The following GRXCR1 variants were observed in gnomAD, a reference collection of about 807,000 sequenced individuals.
The protein encoded by GRXCR1 is glutaredoxin domain-containing cysteine-rich protein 1.
GRXCR1 carries 27 observed loss-of-function variants against 27.3 expected under a neutral mutation model. That is an observed-to-expected ratio of 0.99 (90% CI 0.73 to 1.37). The LOEUF is 1.37. GRXCR1 is among the 40% of genes most tolerant of loss of function. GRXCR1 has a pLI of 0.00. For missense variants in GRXCR1, 379 were observed against 354.4 expected, an observed-to-expected ratio of 1.07 and a Z score of -0.56; for synonymous variants, 122 against 131.1, an observed-to-expected ratio of 0.93 and a Z score of 0.47.
intron 2 of GRXCR1, among the ~76,000 whole-genome samples, chr4:42,989,440 T>C (rs1256584314): frequency 5.6e-4 from 86 of 152,320 alleles, no homozygotes; most frequent in Non-Finnish European, 7.3e-5. Context: ...ACATTGAGTG[T>C]TAGGGCTTAA....
At chr4:43,011,283 A>T (rs1712742002) in intron 2 of GRXCR1, among the ~76,000 whole-genome samples, 1 of 151,912 alleles carries the variant, frequency 6.6e-6, no homozygotes, top group African/African-American at 2.4e-5. Context: ...CATGAAGGAG[A>T]ACTTTATAGA....
chr4:43,025,002 T>C (rs911512932), intron 3 of GRXCR1, among the ~76,000 whole-genome samples: 2 of 152,132 alleles, frequency 1.3e-5, no homozygotes, highest in Non-Finnish European at 2.9e-5. Flanking sequence ...GATTTGATGA[T>C]CTGAGGTTAA....
At chr4:42,993,223 G>A (rs1283176718) in intron 2 of GRXCR1, among the ~76,000 whole-genome samples, 1 of 152,070 alleles carries the variant, frequency 6.6e-6, no homozygotes, top group African/African-American at 2.4e-5. Context: ...CCAGATGGGA[G>A]TTATTCACAT....
chr4:42,933,846 T>A (rs1418841554), intron 1 of GRXCR1, among the ~76,000 whole-genome samples: 1 of 151,780 alleles, frequency 6.6e-6, no homozygotes, highest in African/African-American at 2.4e-5. Context: ...TATTCTGTTA[T>A]AGCAGCCTGA....
At chr4:42,989,618 C>T (rs149563053) in intron 2 of GRXCR1, among the ~76,000 whole-genome samples, 1 of 152,294 alleles carries the variant, frequency 6.6e-6, no homozygotes, top group African/African-American at 2.4e-5. Context: ...TGTAGAACTT[C>T]ATTGTCTTTC....
At position 43,025,505 on chromosome 4, in the gene GRXCR1, A is replaced by C. The variant is rs549436235; in HGVS notation, c.694-4856A>C. Among the ~76,000 whole-genome samples, 12 of 152,328 alleles carry C rather than the reference A, an allele frequency of 7.9e-5. No individual in the cohort carries two copies. In the South Asian group the frequency reaches 8.3e-4, roughly 11 times the overall value. On this transcript the variant is annotated intron_variant, in intron 3 of 3. Transcript: ENST00000399770. ...GAGGTAAAGTGGAGGGTGATTTCTC[A>C]TTCTTTTTCTCTTGAGCTCCACTCC...
intron 1 of GRXCR1, among the ~76,000 whole-genome samples, chr4:42,903,449 C>T (rs977379929): frequency 2.8e-5 from 4 of 144,648 alleles, no homozygotes; most frequent in Admixed American, 1.5e-4. Flanking sequence ...GTAGCTGGGA[C>T]TACAGGCACC....
intron 2 of GRXCR1, among the ~76,000 whole-genome samples, chr4:43,009,090 T>C (rs970451099): frequency 1.8e-4 from 27 of 152,330 alleles, no homozygotes; most frequent in Admixed American, 8.5e-4. Context: ...CTTGCCTTCT[T>C]TGGAGGCCAC....
intron 1 of GRXCR1, among the ~76,000 whole-genome samples, chr4:42,906,581 C>A (rs1746597624): frequency 6.6e-6 from 1 of 152,136 alleles, no homozygotes; most frequent in South Asian, 2.1e-4. Context: ...GCATGCAGAG[C>A]AGGGCAGACC....
Position 42,900,915 on chromosome 4 carries a change from G to A in GRXCR1, c.384+7265G>A, listed in dbSNP as rs559038143. On this transcript the variant is annotated intron_variant, in intron 1 of 3. Transcript: ENST00000399770. ...TGCCACAGGGCAACTGTTCTTATTC[G>A]CGTATCACCTTTGGTGAAGAGCCAG... 7.4e-4 allele frequency among the ~76,000 whole-genome samples: 112 copies of A among 152,202 alleles called. 1 individual carries two copies. Among genetic ancestry groups the A allele is most frequent in the African/African-American group, 2.6e-3 (106 of 41,542 alleles).
chr4:42,965,280 T>C (rs1748211696), intron 2 of GRXCR1, among the ~76,000 whole-genome samples: 2 of 152,078 alleles, frequency 1.3e-5, no homozygotes, highest in Admixed American at 1.3e-4. Flanking sequence ...GCTACCTTGC[T>C]GTTTCTTTAA....
At position 43,030,421 on chromosome 4, in the gene GRXCR1, G is replaced by A. The variant is rs185767311; in HGVS notation, c.754G>A (p.Val252Met). Residue 252 changes from valine (V) to methionine (M), a missense_variant, in exon 4 of 4, where the codon GTG becomes ATG. Physicochemically the swap from Val to Met is conservative, Grantham distance 21. Coordinates refer to ENST00000399770, the MANE Select transcript of GRXCR1 (RefSeq NM_001080476.3). ...CGGFGFLPCS[V>M]CHGSKMSMFR... ...AGGCTTTGGCTTTCTTCCATGCTCC[G>A]TGTGCCATGGGAGCAAGATGTCCAT... is the stretch of plus-strand genomic sequence containing the variant. The A allele has an allele frequency of 9.9e-6, 16 of 1,613,640 alleles. No homozygotes were observed. Among genetic ancestry groups the A allele is most frequent in the Admixed American group, 3.3e-5 (2 of 60,020 alleles).
At chr4:42,924,952 T>C (rs1279820202) in intron 1 of GRXCR1, among the ~76,000 whole-genome samples, 1 of 151,996 alleles carries the variant, frequency 6.6e-6, no homozygotes, top group Non-Finnish European at 1.5e-5. Flanking sequence ...AATTTCCCTG[T>C]AAACAATATG....
At chr4:43,005,453 CT>C (rs1013239140) in intron 2 of GRXCR1, among the ~76,000 whole-genome samples, 3 of 152,128 alleles carry the variant, frequency 2.0e-5, no homozygotes, top group Admixed American at 1.3e-4. Context: ...TCTATGCTCA[CT>C]TTTTTTGTGG....
At chr4:42,913,038 G>A (rs147961406) in intron 1 of GRXCR1, among the ~76,000 whole-genome samples, 1 of 152,092 alleles carries the variant, frequency 6.6e-6, no homozygotes. Context: ...CACCACGATT[G>A]TAAGTTTCCT....
chr4:42,968,512 T>C (rs1316176906), intron 2 of GRXCR1, among the ~76,000 whole-genome samples: 1 of 151,758 alleles, frequency 6.6e-6, no homozygotes, highest in Admixed American at 6.6e-5. Context: ...ATCTAGGAGG[T>C]TTGTATTTTT....
chr4:42,939,117 AT>A (rs1747535744), intron 1 of GRXCR1, among the ~76,000 whole-genome samples: 1 of 152,010 alleles, frequency 6.6e-6, no homozygotes, highest in African/African-American at 2.4e-5. Context: ...AACAATGTTG[AT>A]TCTTCCAACT....
chr4:42,950,787 C>T (rs1267788996), intron 1 of GRXCR1, among the ~76,000 whole-genome samples: 1 of 152,090 alleles, frequency 6.6e-6, no homozygotes, highest in African/African-American at 2.4e-5. Flanking sequence ...AAATGGACCT[C>T]CTCAAATTCA....
At chr4:43,011,842 G>T (rs999575874) in intron 2 of GRXCR1, among the ~76,000 whole-genome samples, 4 of 151,944 alleles carry the variant, frequency 2.6e-5, no homozygotes, top group Non-Finnish European at 5.9e-5. Flanking sequence ...TTGATTCCTT[G>T]GTCATTTTAC....
Sources: gnomAD v4.1 joint callset for allele counts (sites outside exome capture counted in the v4.1 genomes callset) on GRCh38, gnomAD v4.1.1 for gene constraint, MANE v1.5 for transcripts, NCBI Gene and HGNC (gene_info 2026-07-23, HGNC 2026-07-21) for gene names.